Variants in ABLIM3 observed in about 807,000 individuals in gnomAD.
ABLIM3 encodes the protein actin binding LIM protein family member 3.
ABLIM3 carries 61 observed loss-of-function variants against 109.5 expected under a neutral mutation model. The observed-to-expected ratio is 0.56, with a 90% CI of 0.45 to 0.69. The LOEUF (loss-of-function observed/expected upper bound fraction) is 0.69. Ranked by LOEUF, ABLIM3 falls within the 30% of genes least tolerant of loss-of-function variation. The pLI, the probability that ABLIM3 is intolerant of heterozygous loss-of-function variation, is 0.00. For missense variants in ABLIM3, 796 were observed against 889.5 expected (o/e 0.89, Z 1.34); for synonymous variants, 300 against 324.8 (o/e 0.92, Z 0.82).
rs199889968 is a variant in ABLIM3, at chr5:149,247,837, G to A, written c.1607G>A (p.Ser536Asn). 2.5e-5 allele frequency: 40 copies of A among 1,614,260 alleles called. No individual in the cohort carries two copies. The Admixed American group carries it at 6.7e-4, about 27-fold the overall frequency. ...AAGGAAGAAATGAAGGCCCGGTCGA[G>A]CTCCTATGCAGATCCCTGGACCCCT... is the stretch of plus-strand genomic sequence containing the variant. ...ILKEEMKARS[S>N]SYADPWTPPR... The change falls in exon 18 of 24, where the codon AGC becomes AAC. Residue 536 changes from serine (S) to asparagine (N), a missense_variant. Physicochemically the swap from Ser to Asn is conservative, Grantham distance 46. Coordinates refer to ENST00000309868, the MANE Select transcript of ABLIM3 (RefSeq NM_014945.5).
chr5:149,252,962 A>G, intron 23 of ABLIM3, 125 bp downstream of exon 23: 1 of 712,606 alleles, frequency 1.4e-6, no homozygotes, highest in Non-Finnish European at 2.4e-6. Flanking sequence ...TTATTGAAAA[A>G]GCAGGGACTT....
At chr5:149,157,329 G>A (rs942821277) in intron 2 of ABLIM3, among the ~76,000 whole-genome samples, 13 of 152,166 alleles carry the variant, frequency 8.5e-5, no homozygotes, top group African/African-American at 2.6e-4. Context: ...TTCAGTATGC[G>A]GAGCAAATCC....
At chr5:149,195,466 C>G (rs991958363) in intron 3 of ABLIM3, among the ~76,000 whole-genome samples, 1 of 152,202 alleles carries the variant, frequency 6.6e-6, no homozygotes, top group Admixed American at 6.5e-5. Flanking sequence ...CCCTGAGAGG[C>G]TTATCAACCT....
chr5:149,223,183 A>G (rs555540348), intron 8 of ABLIM3, among the ~76,000 whole-genome samples: 3 of 152,164 alleles, frequency 2.0e-5, no homozygotes, highest in East Asian at 1.9e-4. Context: ...AGAAAGTATT[A>G]CAGTGTAGTA....
At chr5:149,225,950 TATATA>T (rs1761153576) in intron 8 of ABLIM3, among the ~76,000 whole-genome samples, 1 of 139,322 alleles carries the variant, frequency 7.2e-6, no homozygotes, top group South Asian at 2.2e-4. Flanking sequence ...TGTATGTATG[TATATA>T]ATATGTGTGT....
In ABLIM3 at chr5:149,251,418, AG is replaced by A; in HGVS notation, c.1849+1del. On this transcript the variant is annotated frameshift_variant and splice_region_variant, in exon 21 of 24. Transcript: ENST00000309868. LOFTEE classifies it high-confidence loss of function. ...SMNAVNWGMREYKIYPYELLL... is the reference protein window; with the variant it reads ...SMNAVNWGMRXYKIYPYELLL... ...TGAACGCAGTCAACTGGGGCATGCG[AG>A]GTGAGTGCAGGCCTGCAGGGGGTCT... 1 of 1,614,042 alleles carries A rather than the reference AG, an allele frequency of 6.2e-7. No homozygotes were observed. Among genetic ancestry groups the A allele is most frequent in the Non-Finnish European group, 8.5e-7 (1 of 1,179,988 alleles).
At chr5:149,145,747 T>G (rs1752843523) in intron 2 of ABLIM3, among the ~76,000 whole-genome samples, 1 of 152,162 alleles carries the variant, frequency 6.6e-6, no homozygotes, top group Non-Finnish European at 1.5e-5. Context: ...TTATTAGTGA[T>G]GTTGAGCATT....
intron 2 of ABLIM3, among the ~76,000 whole-genome samples, chr5:149,148,355 C>T (rs1256797022): frequency 6.6e-6 from 1 of 152,096 alleles, no homozygotes; most frequent in Non-Finnish European, 1.5e-5. Flanking sequence ...GAGCAGGACA[C>T]CCCAGGCTTG....
chr5:149,221,196 G>A (rs984575729), intron 8 of ABLIM3, among the ~76,000 whole-genome samples: 1 of 152,178 alleles, frequency 6.6e-6, no homozygotes, highest in Non-Finnish European at 1.5e-5. Context: ...GCCCTCCCTG[G>A]GTGGGTGGAA....
rs755753421 is a variant in ABLIM3, at chr5:149,237,604, G to T, written c.1044+1G>T. The stretch of plus-strand genomic sequence containing the variant: ...GCTGGAGAGATGTGGCTATGGAGAG[G>T]TATCGCATCTTGCCCTTCTCTCTGG... On this transcript the variant is annotated splice_donor_variant, in intron 11 of 23. Transcript: ENST00000309868. LOFTEE classifies it high-confidence loss of function. 47 of 1,614,062 alleles carry T rather than the reference G, an allele frequency of 2.9e-5. No homozygotes were observed. Among genetic ancestry groups the T allele is most frequent in the Non-Finnish European group, 3.8e-5 (45 of 1,180,024 alleles).
chr5:149,240,321 G>A (rs1438528972), intron 13 of ABLIM3: 1 of 378,488 alleles, frequency 2.6e-6, no homozygotes, highest in Non-Finnish European at 4.9e-6. Flanking sequence ...GCCAGCACTT[G>A]GATGGAGGAA....
chr5:149,208,390 T>TCTCTC (rs1759224519), intron 6 of ABLIM3, among the ~76,000 whole-genome samples: 3 of 121,460 alleles, frequency 2.5e-5, no homozygotes, highest in African/African-American at 1.0e-4. Flanking sequence ...CTCTCTCAAT[T>TCTCTC]TCTCTTTCTC....
At chr5:149,257,292 T>G (rs1428430941) in intron 23 of ABLIM3, among the ~76,000 whole-genome samples, 1 of 139,678 alleles carries the variant, frequency 7.2e-6, no homozygotes, top group Admixed American at 7.2e-5. Flanking sequence ...AAAGCAAAAC[T>G]CTGTCTCAAA....
chr5:149,184,407 A>G (rs2127476722), intron 3 of ABLIM3, among the ~76,000 whole-genome samples: 1 of 152,190 alleles, frequency 6.6e-6, no homozygotes, highest in East Asian at 1.9e-4. Context: ...TTGTCCTCAT[A>G]AAGTCTGAGG....
rs1034235943 is a variant in ABLIM3, at chr5:149,199,294, GATTA to G, written c.335+897_335+900del. Among the ~76,000 whole-genome samples, 6 of 152,296 alleles carry G rather than the reference GATTA, an allele frequency of 3.9e-5. No homozygotes were observed. In the East Asian group the frequency reaches 9.7e-4, roughly 25 times the overall value. ...TTTTTAATTGGGAAAGGAATGTATG[GATTA>G]ATTATTCTCCGCATAAAATAACCAC... is the stretch of plus-strand genomic sequence containing the variant. On this transcript the variant is annotated intron_variant, in intron 4 of 23. Coordinates refer to ENST00000309868, the MANE Select transcript of ABLIM3 (RefSeq NM_014945.5).
chr5:149,190,374 T>C (rs1047140686), intron 3 of ABLIM3, among the ~76,000 whole-genome samples: 2 of 152,196 alleles, frequency 1.3e-5, no homozygotes, highest in Admixed American at 6.5e-5. Flanking sequence ...TTGTGAATTG[T>C]ATCTCATTAA....
chr5:149,218,340 T>G (rs528057366), intron 8 of ABLIM3: 1 of 152,398 alleles, frequency 6.6e-6, no homozygotes, highest in Admixed American at 6.5e-5. Flanking sequence ...ATAAGGACAC[T>G]GGTCCATGAC....
intron 3 of ABLIM3, among the ~76,000 whole-genome samples, chr5:149,192,027 G>A (rs1378330720): frequency 1.3e-5 from 2 of 151,970 alleles, no homozygotes; most frequent in Admixed American, 6.6e-5. Flanking sequence ...GAAGAAAGCT[G>A]TCATAATTGA....
chr5:149,161,671 A>G (rs908464576), intron 2 of ABLIM3, among the ~76,000 whole-genome samples: 1 of 152,156 alleles, frequency 6.6e-6, no homozygotes, highest in African/African-American at 2.4e-5. Context: ...TGAGCAAGTG[A>G]AAATCGTTGT....
Sources: allele counts gnomAD v4.1 joint callset (sites outside exome capture counted in the v4.1 genomes callset), GRCh38; gene constraint gnomAD v4.1.1; transcripts MANE v1.5; gene names NCBI Gene and HGNC (gene_info 2026-07-23, HGNC 2026-07-21).